SYNC: variants seen among roughly 807,000 people sequenced by gnomAD.
SYNC encodes the protein syncoilin, intermediate filament protein.
Under a neutral mutation model 49.5 loss-of-function variants are expected in SYNC, and 38 were observed. The observed-to-expected ratio is 0.77, with a 90% confidence interval of 0.59 to 1.01. The LOEUF (loss-of-function observed/expected upper bound fraction) is 1.01, where lower values mean the gene tolerates loss of function less well. SYNC is among the 50% of genes least tolerant of loss of function. The pLI is 0.00. For synonymous variants in SYNC, 201 were observed against 230.8 expected (o/e 0.87, Z 1.17); for missense variants, 579 against 580.6 (o/e 1.00, Z 0.03).
At chr1:32,686,102 ACAG>A (rs1649812176) in intron 2 of SYNC, 1 of 152,248 alleles carries the variant, frequency 6.6e-6, no homozygotes, top group Non-Finnish European at 1.5e-5. Flanking sequence ...TGTAAAATAC[ACAG>A]CAGATTTCTA....
chr1:32,700,480 G>C (rs1650622630), intron 1 of SYNC, among the ~76,000 whole-genome samples: 1 of 152,168 alleles, frequency 6.6e-6, no homozygotes, highest in South Asian at 2.1e-4. Context: ...TGGATCACCT[G>C]AGGTCAGGAG....
intron 1 of SYNC, among the ~76,000 whole-genome samples, chr1:32,699,297 G>A (rs1650578265): frequency 6.6e-6 from 1 of 151,572 alleles, no homozygotes; most frequent in South Asian, 2.1e-4. Flanking sequence ...GAGACTATAG[G>A]TGCCTGCCAC....
chr1:32,693,168 C>T (rs1034752769), intron 2 of SYNC, among the ~76,000 whole-genome samples: 2 of 151,334 alleles, frequency 1.3e-5, no homozygotes, highest in Admixed American at 6.6e-5. Context: ...CTGCAACCTC[C>T]GCCTCCCGGG....
At chr1:32,684,178 T>C in intron 3 of SYNC, 80 bp downstream of exon 3, 3 of 1,605,910 alleles carry the variant, frequency 1.9e-6, no homozygotes, top group Non-Finnish European at 2.6e-6. Context: ...TTTTTGATTC[T>C]AAGGTAAAAT....
At chr1:32,694,663 AAAAC>A (rs1370980138) in intron 2 of SYNC, among the ~76,000 whole-genome samples, 198 bp downstream of exon 2, 2 of 152,058 alleles carry the variant, frequency 1.3e-5, no homozygotes, top group Non-Finnish European at 2.9e-5. Context: ...CAAAAAAAAA[AAAAC>A]AAAAAACAGT....
At chr1:32,684,549 T>C in intron 2 of SYNC, 167 bp from the exon 3 acceptor site, 1 of 1,026,872 alleles carries the variant, frequency 9.7e-7, no homozygotes, top group South Asian at 1.8e-5. Context: ...AGTTGTGTCT[T>C]GGAAAAAAAG....
Position 32,695,171 on chromosome 1 carries a change from A to ACCC in SYNC, c.926_927insGGG (p.Pro309_Pro310insGly). 1 of 1,580,510 alleles carries ACCC rather than the reference A, an allele frequency of 6.3e-7. No individual in the cohort carries two copies. Among genetic ancestry groups the ACCC allele is most frequent in the Non-Finnish European group, 8.6e-7 (1 of 1,163,028 alleles). On this transcript the variant is annotated inframe_insertion, in exon 2 of 5. Transcript: ENST00000409190. ...GAAAGTGCCCATCCCTCTGGCTTGG[A>ACCC]GGGGCTTCTAGTTGTTGCCGCAGCT...
chr1:32,696,835 G>T (rs1170526693), intron 1 of SYNC, among the ~76,000 whole-genome samples: 1 of 151,060 alleles, frequency 6.6e-6, no homozygotes, highest in Non-Finnish European at 1.5e-5. Flanking sequence ...TGTCACCCAG[G>T]CTGGAGTGCA....
chr1:32,695,266 T>A lies in SYNC; in HGVS notation c.832A>T (p.Thr278Ser). 6.4e-7 allele frequency: 1 copy of A among 1,551,848 alleles called. No homozygotes were observed. The highest frequency in any genetic ancestry group is 1.2e-5 in the South Asian group (1 of 84,158). ...AQFADFREVL[T>S]TRATQLSEEL... Reference sequence around the variant, plus strand: ...TCTGAGAGCTGGGTTGCCCTTGTAGTCAGCACTTCCCGGAAATCGGCAAAC... The same window carrying A: ...TCTGAGAGCTGGGTTGCCCTTGTAGACAGCACTTCCCGGAAATCGGCAAAC... The change falls in exon 2 of 5, where the codon ACT becomes TCT. Residue 278 changes from threonine (T) to serine (S), a missense_variant. Coordinates refer to ENST00000409190, the MANE Select transcript of SYNC (RefSeq NM_030786.3).
Position 32,681,510 on chromosome 1 carries a change from A to G in SYNC, c.*340T>C, listed in dbSNP as rs972815226. ...CACAAGGCAAGATACATTCTTTAAAATACTCCCAGATGTGTCCATACATTC... is the reference window on the plus strand; with the variant it reads ...CACAAGGCAAGATACATTCTTTAAAGTACTCCCAGATGTGTCCATACATTC... On this transcript the variant is annotated 3_prime_UTR_variant, in exon 5 of 5. Coordinates refer to ENST00000409190, the MANE Select transcript of SYNC (RefSeq NM_030786.3). 3.3e-6 allele frequency: 1 copy of G among 306,924 alleles called. No individual in the cohort carries two copies. Among genetic ancestry groups the G allele is most frequent in the Non-Finnish European group, 5.9e-6 (1 of 168,140 alleles). 19.0% of individuals were successfully genotyped at this position (306,924 alleles called of 1,614,324 possible).
At chr1:32,684,410 A>T (rs762686255) in intron 2 of SYNC, 28 bp from the exon 3 acceptor site, 1 of 1,613,804 alleles carries the variant, frequency 6.2e-7, no homozygotes, top group East Asian at 2.2e-5. Context: ...GAACATTTCT[A>T]ATGAGCCAAA....
chr1:32,684,611 C>A (rs1455335680), intron 2 of SYNC: 2 of 544,346 alleles, frequency 3.7e-6, no homozygotes, highest in African/African-American at 3.8e-5. Flanking sequence ...CTGTTAACCA[C>A]AGCTTGCTTT....
At chr1:32,698,017 G>A (rs1186651905) in intron 1 of SYNC, among the ~76,000 whole-genome samples, 1 of 151,538 alleles carries the variant, frequency 6.6e-6, no homozygotes, top group Non-Finnish European at 1.5e-5. Flanking sequence ...GAGCTCAGGA[G>A]TTCGAGATCA....
At chr1:32,685,582 T>G (rs1212576699) in intron 2 of SYNC, 1 of 152,246 alleles carries the variant, frequency 6.6e-6, no homozygotes, top group Non-Finnish European at 1.5e-5. Context: ...CCGCACTGTT[T>G]GATACTCTGG....
intron 1 of SYNC, among the ~76,000 whole-genome samples, chr1:32,698,934 C>T (rs1329134845): frequency 6.6e-6 from 1 of 151,656 alleles, no homozygotes; most frequent in African/African-American, 2.4e-5. Context: ...GCACGTAGCG[C>T]CACACCCGCT....
In SYNC at chr1:32,680,363, T is replaced by TG. The variant is rs1649355662; in HGVS notation, c.*1486_*1487insC. 9 of 1,131,646 alleles carry TG rather than the reference T, an allele frequency of 8.0e-6. No individual in the cohort carries two copies. Among genetic ancestry groups the TG allele is most frequent in the South Asian group, 3.7e-5 (1 of 27,282 alleles). 70.1% of individuals were successfully genotyped at this position (1,131,646 alleles called of 1,614,324 possible). A position where few individuals can be genotyped will look rare whatever the true frequency, so the allele number is the denominator to read the frequency against. On this transcript the variant is annotated 3_prime_UTR_variant, in exon 5 of 5. Coordinates refer to ENST00000409190, the MANE Select transcript of SYNC (RefSeq NM_030786.3). The stretch of plus-strand genomic sequence containing the variant: ...GTTTTTTTTTTTGTTGTTGGTTTTT[T>TG]TTTTTTTTTTTTTAACTTGGGACCA...
At position 32,680,156 on chromosome 1, in the gene SYNC, CGA is replaced by C. The variant is rs552550152; in HGVS notation, c.*1692_*1693del. On this transcript the variant is annotated 3_prime_UTR_variant, in exon 5 of 5. Coordinates refer to ENST00000409190, the MANE Select transcript of SYNC (RefSeq NM_030786.3). ...GATTCAAGTCATATAGATTCCTACT[CGA>C]AAATCTTGACACCTGACTTTCCAGG... is the stretch of plus-strand genomic sequence containing the variant. 455 of 1,076,540 alleles carry C rather than the reference CGA, an allele frequency of 4.2e-4. No homozygotes were observed. The African/African-American group carries it at 7.4e-3, about 18-fold the overall frequency. The allele number at this position is 1,076,540 out of a possible 1,614,324, so 66.7% of individuals were successfully genotyped here. A position where few individuals can be genotyped will look rare whatever the true frequency, so the allele number is the denominator to read the frequency against.
chr1:32,695,325 T>A lies in SYNC; in HGVS notation c.773A>T (p.Tyr258Phe). The change falls in exon 2 of 5, where the codon TAC (tyrosine) becomes TTC (phenylalanine). Residue 258 changes from tyrosine (Y) to phenylalanine (F), a missense_variant. Transcript: ENST00000409190. ...GTCCTGCTGGCGGCACTCCAGCTGG[T>A]ATTGGTAGGCCACACATTCCTTTGT... ...KVTKECVAYQ[Y>F]QLECRQQDVA... 1 of 1,551,672 alleles carries A rather than the reference T, an allele frequency of 6.4e-7. No individual in the cohort carries two copies. Among genetic ancestry groups the A allele is most frequent in the East Asian group, 2.4e-5 (1 of 40,852 alleles).
intron 4 of SYNC, chr1:32,683,783 C>G (rs1649612291): frequency 4.2e-6 from 2 of 472,618 alleles, no homozygotes; most frequent in African/African-American, 4.0e-5. Flanking sequence ...TAAGTGCCTG[C>G]CACTATGCCC....
Sources: allele counts gnomAD v4.1 joint callset (sites outside exome capture counted in the v4.1 genomes callset), GRCh38; gene constraint gnomAD v4.1.1; transcripts MANE v1.5; gene names NCBI Gene and HGNC (gene_info 2026-07-23, HGNC 2026-07-21).